PLCB1: variants seen among roughly 807,000 people sequenced by gnomAD.
PLCB1 encodes phospholipase C beta 1, also known as 1-phosphatidylinositol 4,5-bisphosphate phosphodiesterase beta-1.
In PLCB1, 46 loss-of-function variants were observed where a neutral mutation model predicts 161.8. That is an observed-to-expected ratio of 0.28 (90% confidence interval 0.22 to 0.36). The LOEUF (loss-of-function observed/expected upper bound fraction) is 0.36, where lower values mean the gene tolerates loss of function less well. Ranked by LOEUF, PLCB1 falls within the 10% of genes least tolerant of loss-of-function variation. The pLI is 1.00. For synonymous variants in PLCB1, 517 were observed against 503.7 expected (o/e 1.03, Z -0.35); for missense variants, 1,016 against 1,472.5 (o/e 0.69, Z 5.07).
At chr20:8,284,090 T>C (rs1380684286) in intron 2 of PLCB1, among the ~76,000 whole-genome samples, 4 of 151,944 alleles carry the variant, frequency 2.6e-5, no homozygotes, top group Non-Finnish European at 5.9e-5. Flanking sequence ...TCAATAAATG[T>C]TAATTTAATA....
intron 31 of PLCB1, among the ~76,000 whole-genome samples, chr20:8,830,168 AT>A (rs1985913930): frequency 6.6e-6 from 1 of 152,196 alleles, no homozygotes; most frequent in African/African-American, 2.4e-5. Flanking sequence ...ACTCTTAGAA[AT>A]CATAGGAAGG....
chr20:8,802,015 C>T (rs1382476075), intron 31 of PLCB1: 1 of 1,171,046 alleles, frequency 8.5e-7, no homozygotes, highest in East Asian at 2.3e-5. Context: ...AAATCAATTT[C>T]ATTGCCACAA....
rs190549801 is a variant in PLCB1 at position 8,530,238 on chromosome 20, G to A, written c.247-98056G>A. Reference sequence around the variant, plus strand: ...TTGACTCATAAAGCATCTCTCATATGCTTTGGATGTAGGTATTTGTCAGTT... The same window carrying A: ...TTGACTCATAAAGCATCTCTCATATACTTTGGATGTAGGTATTTGTCAGTT... On this transcript the variant is annotated intron_variant, in intron 3 of 31. Coordinates refer to ENST00000338037, the MANE Select transcript of PLCB1 (RefSeq NM_015192.4). Among the ~76,000 whole-genome samples the A allele has an allele frequency of 1.4e-4, 22 of 152,142 alleles. No homozygotes were observed. The East Asian group carries it at 3.5e-3, about 24-fold the overall frequency.
At chr20:8,387,282 C>A (rs1987451682) in intron 3 of PLCB1, among the ~76,000 whole-genome samples, 1 of 152,264 alleles carries the variant, frequency 6.6e-6, no homozygotes, top group Non-Finnish European at 1.5e-5. Context: ...CATGATTCTT[C>A]CTTTCACTTG....
intron 31 of PLCB1, among the ~76,000 whole-genome samples, chr20:8,862,132 C>T (rs1357327426): frequency 6.6e-6 from 1 of 151,998 alleles, no homozygotes; most frequent in Non-Finnish European, 1.5e-5. Flanking sequence ...AATATATTTC[C>T]TCTTGTAGAA....
chr20:8,458,710 C>T (rs1348207851), intron 3 of PLCB1, among the ~76,000 whole-genome samples: 8 of 152,164 alleles, frequency 5.3e-5, no homozygotes, highest in Non-Finnish European at 1.2e-4. Context: ...GGATGAAAGA[C>T]ATTTGAGGTT....
chr20:8,335,042 A>G (rs917328587), intron 2 of PLCB1, among the ~76,000 whole-genome samples: 15 of 152,212 alleles, frequency 9.9e-5, no homozygotes, highest in African/African-American at 3.4e-4. Flanking sequence ...ATGAAGCTCT[A>G]TTCATCAATA....
chr20:8,494,776 C>T (rs1983090374), intron 3 of PLCB1, among the ~76,000 whole-genome samples: 1 of 152,136 alleles, frequency 6.6e-6, no homozygotes, highest in Non-Finnish European at 1.5e-5. Context: ...CCTTCCTTCT[C>T]TACCACTTCT....
At chr20:8,532,213 A>G (rs1199474760) in intron 3 of PLCB1, among the ~76,000 whole-genome samples, 1 of 152,220 alleles carries the variant, frequency 6.6e-6, no homozygotes. Flanking sequence ...GAGCGTTTAA[A>G]CTGGGAACGT....
At chr20:8,300,037 A>G (rs1983824399) in intron 2 of PLCB1, among the ~76,000 whole-genome samples, 1 of 152,152 alleles carries the variant, frequency 6.6e-6, no homozygotes, top group Non-Finnish European at 1.5e-5. Flanking sequence ...GTTCACCTTG[A>G]TGACTCTACT....
intron 3 of PLCB1, among the ~76,000 whole-genome samples, chr20:8,572,758 A>C (rs1285125695): frequency 6.6e-6 from 1 of 152,226 alleles, no homozygotes; most frequent in Non-Finnish European, 1.5e-5. Context: ...CAATGACTGC[A>C]GAACATTAAA....
chr20:8,610,532 G>A (rs1987877600), intron 3 of PLCB1, among the ~76,000 whole-genome samples: 1 of 152,078 alleles, frequency 6.6e-6, no homozygotes, highest in African/African-American at 2.4e-5. Context: ...TGATGGCTGT[G>A]TTTAACATCT....
chr20:8,398,783 G>C (rs1978404579), intron 3 of PLCB1, among the ~76,000 whole-genome samples: 1 of 151,008 alleles, frequency 6.6e-6, no homozygotes, highest in African/African-American at 2.4e-5. Flanking sequence ...TTTTTCATCT[G>C]GTATTTCGTC....
intron 18 of PLCB1, chr20:8,732,201 AAAG>A (rs1429599987): frequency 2.0e-5 from 3 of 152,134 alleles, no homozygotes; most frequent in African/African-American, 7.2e-5. Flanking sequence ...AAATTATAAA[AAAG>A]AAATTTTTTG....
chr20:8,767,110 GT>G (rs1382930248), intron 26 of PLCB1, among the ~76,000 whole-genome samples: 5 of 152,156 alleles, frequency 3.3e-5, no homozygotes, highest in African/African-American at 4.8e-5. Flanking sequence ...CACACCAAAT[GT>G]GTTCATGAAA....
intron 2 of PLCB1, among the ~76,000 whole-genome samples, chr20:8,208,793 T>C (rs1157690777): frequency 6.6e-6 from 1 of 152,100 alleles, no homozygotes; most frequent in Non-Finnish European, 1.5e-5. Flanking sequence ...TTGAATATAA[T>C]TTCATAAAAA....
chr20:8,369,763 T>A (rs1188524088), intron 2 of PLCB1, among the ~76,000 whole-genome samples: 1 of 152,086 alleles, frequency 6.6e-6, no homozygotes, highest in Non-Finnish European at 1.5e-5. Context: ...ACTTACAAGG[T>A]CAGAGTGAGC....
At chr20:8,700,120 T>G (rs1990665486) in intron 11 of PLCB1, among the ~76,000 whole-genome samples, 1 of 152,154 alleles carries the variant, frequency 6.6e-6, no homozygotes, top group Admixed American at 6.5e-5. Context: ...CAGCTTGGGC[T>G]CATCTGTCTG....
At chr20:8,623,704 T>G (rs1053773118) in intron 3 of PLCB1, among the ~76,000 whole-genome samples, 1 of 152,198 alleles carries the variant, frequency 6.6e-6, no homozygotes, top group Non-Finnish European at 1.5e-5. Context: ...GGGAAAGAAA[T>G]ACTTAAACAA....
Sources: allele counts gnomAD v4.1 joint callset (sites outside exome capture counted in the v4.1 genomes callset), GRCh38; gene constraint gnomAD v4.1.1; transcripts MANE v1.5; gene names NCBI Gene and HGNC (gene_info 2026-07-23, HGNC 2026-07-21).